Variants in CYFIP1 observed in about 807,000 individuals in gnomAD.
The protein encoded by CYFIP1 is cytoplasmic FMR1 interacting protein 1, also known as cytoplasmic FMR1-interacting protein 1.
CYFIP1 carries 58 observed loss-of-function variants against 163.5 expected under a neutral mutation model. That is an observed-to-expected ratio of 0.35 (90% confidence interval 0.29 to 0.44). CYFIP1 has a LOEUF of 0.44. Among genes scored for constraint, CYFIP1 ranks in the 20% least tolerant of loss-of-function variants. The pLI is 1.00. For missense variants in CYFIP1, 1,338 were observed against 1,653.8 expected (o/e 0.81, Z 3.31); for synonymous variants, 663 against 660.7 (o/e 1.00, Z -0.05).
intron 23 of CYFIP1, among the ~76,000 whole-genome samples, chr15:22,884,539 T>C (rs1049310376): frequency 6.6e-6 from 1 of 152,230 alleles, no homozygotes; most frequent in African/African-American, 2.4e-5. Flanking sequence ...CTCCACCCTG[T>C]GGCTTTGCAG....
intron 17 of CYFIP1, among the ~76,000 whole-genome samples, chr15:22,913,552 G>GAAAA (rs1566963337): frequency 2.7e-5 from 1 of 36,454 alleles, no homozygotes; most frequent in African/African-American, 1.2e-4. Context: ...AAAAAAAAAA[G>GAAAA]AAAGAAAGAA....
intron 1 of CYFIP1, among the ~76,000 whole-genome samples, chr15:22,976,016 G>T (rs2063263172): frequency 6.6e-6 from 1 of 152,012 alleles, no homozygotes; most frequent in Non-Finnish European, 1.5e-5. Context: ...TCCAACCACT[G>T]ACCATGGTAT....
rs186611795 is a variant in CYFIP1 at position 22,888,388 on chromosome 15, G to A, written c.2676+4502C>T. Among the ~76,000 whole-genome samples, 353 of 152,280 alleles carry A rather than the reference G, an allele frequency of 2.3e-3. 1 individual carries two copies. The highest frequency in any genetic ancestry group is 3.4e-3 in the Middle Eastern group (1 of 294). The stretch of plus-strand genomic sequence containing the variant: ...GTATCCAGCCTCTTCTTGAGTGGGT[G>A]GTGGTCAACATCAGTGTCACTTGTA... On this transcript the variant is annotated intron_variant, in intron 23 of 30. Transcript: ENST00000617928.
chr15:22,973,369 T>C (rs1420581363), intron 1 of CYFIP1, among the ~76,000 whole-genome samples: 2 of 149,448 alleles, frequency 1.3e-5, no homozygotes, highest in East Asian at 4.0e-4. Flanking sequence ...TAGCAGTTAT[T>C]CTCACTTTTT....
intron 25 of CYFIP1, 135 bp from the exon 26 acceptor site, chr15:22,880,178 A>C (rs184038112): frequency 1.3e-5 from 15 of 1,182,168 alleles, no homozygotes; most frequent in Non-Finnish European, 1.8e-5. Context: ...ACAACGTCCC[A>C]TCCCCAGCAT....
At chr15:22,872,644 T>G (rs2059470275) in intron 30 of CYFIP1, 181 bp downstream of exon 30, 1 of 604,704 alleles carries the variant, frequency 1.7e-6, no homozygotes, top group Non-Finnish European at 2.9e-6. Flanking sequence ...GTATTTTCTC[T>G]GCCAGACTGC....
chr15:22,884,160 G>C (rs557843385), intron 23 of CYFIP1, among the ~76,000 whole-genome samples: 1 of 152,142 alleles, frequency 6.6e-6, no homozygotes, highest in East Asian at 1.9e-4. Context: ...TTCTGCCCCT[G>C]GCCCCTCCCA....
At chr15:22,881,717 TA>T in intron 25 of CYFIP1, 128 bp downstream of exon 25, 1 of 814,838 alleles carries the variant, frequency 1.2e-6, no homozygotes, top group Non-Finnish European at 2.0e-6. Context: ...TTCCTGGTTG[TA>T]AGGTGCATTT....
At position 22,872,760 on chromosome 15, in the gene CYFIP1, A is replaced by G. The variant is rs1033490338; in HGVS notation, c.3597+65T>C. The G allele has an allele frequency of 2.5e-5, 38 of 1,540,872 alleles. 1 individual carries two copies. The highest frequency in any genetic ancestry group is 3.4e-4 in the Middle Eastern group (2 of 5,800). ...AAAACATTGCCAGAAACAAGAACTT[A>G]TAACACAAAGAAAGTATGCTTTTGC... is the stretch of plus-strand genomic sequence containing the variant. On this transcript the variant is annotated intron_variant, in intron 30 of 30. Coordinates refer to ENST00000617928, the MANE Select transcript of CYFIP1 (RefSeq NM_014608.6).
At chr15:22,974,467 T>A (rs542157803) in intron 1 of CYFIP1, among the ~76,000 whole-genome samples, 1 of 152,310 alleles carries the variant, frequency 6.6e-6, no homozygotes, top group East Asian at 1.9e-4. Context: ...CGATGGCTCA[T>A]GCCTATAATC....
In CYFIP1 at chr15:22,943,164, G is replaced by GCC; in HGVS notation, c.569+8_569+9insGG. 1.9e-6 allele frequency: 3 copies of GCC among 1,613,442 alleles called. No homozygotes were observed. On this transcript the variant is annotated intron_variant, in intron 6 of 30. Coordinates refer to ENST00000617928, the MANE Select transcript of CYFIP1 (RefSeq NM_014608.6). ...GGGAGGGCCCGCAGTGCGCGAGGTG[G>GCC]GTGCTCACCTCTTGTACGCTGAGTG...
intron 28 of CYFIP1, 139 bp downstream of exon 28, chr15:22,874,411 C>G (rs1425655762): frequency 1.7e-6 from 1 of 581,610 alleles, no homozygotes; most frequent in Non-Finnish European, 3.0e-6. Flanking sequence ...GTGCACACCC[C>G]ACTTGCAACA....
intron 16 of CYFIP1, 157 bp from the exon 17 acceptor site, chr15:22,915,039 G>A: frequency 1.5e-6 from 1 of 656,158 alleles, no homozygotes; most frequent in East Asian, 3.0e-5. Flanking sequence ...CCGGGGCCTT[G>A]CACTAGGGAC....
rs1383818941 is a variant in CYFIP1 at position 22,867,314 on chromosome 15, A to ATGAT, written c.*2710_*2713dup. 2.0e-5 allele frequency: 8 copies of ATGAT among 397,864 alleles called. No homozygotes were observed. Among genetic ancestry groups the ATGAT allele is most frequent in the South Asian group, 1.3e-4 (1 of 7,836 alleles). The allele number at this position is 397,864 out of a possible 1,614,324, so 24.6% of individuals were successfully genotyped here. A position where few individuals can be genotyped will look rare whatever the true frequency, so the allele number is the denominator to read the frequency against. ...AAAAGTGGCTCCTGTTTGTTTGATG[A>ATGAT]TGATTGGTTTTATTTTTGAAATATT... On this transcript the variant is annotated 3_prime_UTR_variant, in exon 31 of 31. Coordinates refer to ENST00000617928, the MANE Select transcript of CYFIP1 (RefSeq NM_014608.6).
rs553116614 is a variant in CYFIP1, at chr15:22,912,266, G to C, written c.1995C>G (p.Leu665=). The change falls in exon 18 of 31, where the codon CTC becomes CTG. Residue 665 remains leucine, a synonymous_variant. Transcript: ENST00000617928. ...TGTCATTGTACAGGTCCAGGGAGTA[G>C]AGCACGTACCTGCAGAGGACAGCAG... is the stretch of plus-strand genomic sequence containing the variant. The part of the protein sequence containing the change: ...TKEASMMEYV[L]YSLDLYNDSA... 6.2e-7 allele frequency: 1 copy of C among 1,612,264 alleles called. No individual in the cohort carries two copies. Among genetic ancestry groups the C allele is most frequent in the African/African-American group, 1.3e-5 (1 of 74,968 alleles).
intron 11 of CYFIP1, among the ~76,000 whole-genome samples, chr15:22,930,858 C>T (rs1402890129): frequency 6.6e-6 from 1 of 152,110 alleles, no homozygotes; most frequent in Non-Finnish European, 1.5e-5. Context: ...AAGAAAAAGC[C>T]TTTTAAAAAA....
intron 22 of CYFIP1, among the ~76,000 whole-genome samples, chr15:22,903,118 C>A (rs2060451229): frequency 6.6e-6 from 1 of 152,184 alleles, no homozygotes; most frequent in South Asian, 2.1e-4. Flanking sequence ...CCTGGTCATC[C>A]CCCCAGGCTG....
intron 1 of CYFIP1, among the ~76,000 whole-genome samples, chr15:22,948,585 G>A (rs899719823): frequency 1.3e-5 from 2 of 152,186 alleles, no homozygotes; most frequent in African/African-American, 2.4e-5. Flanking sequence ...AACGAGGAAC[G>A]TATGGGCTCC....
At chr15:22,952,373 G>C (rs1214146459) in intron 1 of CYFIP1, among the ~76,000 whole-genome samples, 1 of 151,978 alleles carries the variant, frequency 6.6e-6, no homozygotes, top group South Asian at 2.1e-4. Flanking sequence ...GGTGAAGATG[G>C]GGGAGGACGC....
Sources: gnomAD v4.1 joint callset for allele counts (sites outside exome capture counted in the v4.1 genomes callset) on GRCh38, gnomAD v4.1.1 for gene constraint, MANE v1.5 for transcripts, NCBI Gene and HGNC (gene_info 2026-07-23, HGNC 2026-07-21) for gene names.